SCML4: variants seen among roughly 807,000 people sequenced by gnomAD.
SCML4 encodes the protein Scm polycomb group protein like 4.
Under a neutral mutation model 41.1 loss-of-function variants are expected in SCML4, and 34 were observed. The observed-to-expected ratio is 0.83, with a 90% CI of 0.63 to 1.10. SCML4 has a LOEUF of 1.10. SCML4 is among the 50% of genes least tolerant of loss of function. The probability of loss-of-function intolerance (pLI) is 0.00; values close to 1 mark genes in which losing one functional copy is unlikely to be tolerated. For synonymous variants in SCML4, 214 were observed against 220.9 expected, an observed-to-expected ratio of 0.97 and a Z score of 0.28; for missense variants, 522 against 534.1, an observed-to-expected ratio of 0.98 and a Z score of 0.22.
rs200680801 is a variant in SCML4 at position 107,707,990 on chromosome 6, G to T, written c.995C>A (p.Ala332Glu). ...GCTCCGTGGCCGCCTGGCATCCTGC[G>T]CATCCTGAGAAGGGCTTGAGGCTGG... Reference protein sequence around the residue: ...NRCASSPSQDAQDARRPRSRN... With the variant: ...NRCASSPSQDEQDARRPRSRN... The change falls in exon 7 of 8, where the codon GCG becomes GAG. Residue 332 changes from alanine (A) to glutamate (E), a missense_variant. Physicochemically the swap from Ala to Glu is moderately radical, Grantham distance 107 (BLOSUM62 -1). Coordinates refer to ENST00000369020, the MANE Select transcript of SCML4 (RefSeq NM_198081.5). 1.3e-6 allele frequency: 2 copies of T among 1,551,000 alleles called. No individual in the cohort carries two copies. Among genetic ancestry groups the T allele is most frequent in the Admixed American group, 2.0e-5 (1 of 50,998 alleles).
upstream of SCML4, among the ~76,000 whole-genome samples, chr6:107,827,042 G>A (rs768276650): frequency 6.6e-6 from 1 of 151,350 alleles, no homozygotes; most frequent in East Asian, 1.9e-4. Flanking sequence ...CAGCCTGGGC[G>A]ACAGAGCGAG....
chr6:107,841,240 G>T, the SCML4 span, among the ~76,000 whole-genome samples: 122 of 152,138 alleles, frequency 8.0e-4, no homozygotes, highest in African/African-American at 2.9e-3. Flanking sequence ...TGGGAGGATG[G>T]CTTGAGGCCA....
intron 1 of SCML4, among the ~76,000 whole-genome samples, chr6:107,797,444 G>A (rs186362807): frequency 7.3e-4 from 111 of 152,018 alleles, no homozygotes; most frequent in African/African-American, 2.5e-3. Context: ...GCTTTTACAC[G>A]GAAATACAAT....
intron 2 of SCML4, among the ~76,000 whole-genome samples, chr6:107,765,260 C>G (rs185457778): frequency 3.3e-5 from 5 of 152,216 alleles, no homozygotes; most frequent in Admixed American, 6.5e-5. Context: ...AACTGTCAGC[C>G]CAGCTGATGA....
In SCML4 at chr6:107,703,802, T is replaced by C. The variant is rs770706561; in HGVS notation, c.*1398A>G. Among the ~76,000 whole-genome samples, 5 of 152,350 alleles carry C rather than the reference T, an allele frequency of 3.3e-5. No homozygotes were observed. Among genetic ancestry groups the C allele is most frequent in the Middle Eastern group, 3.4e-3 (1 of 294 alleles). On this transcript the variant is annotated 3_prime_UTR_variant, in exon 8 of 8. Transcript: ENST00000369020. ...CCCTCCCAGAAATTCCAAAATCTAA[T>C]GTTCATCTCCTCATCTCCAACACTG... is the stretch of plus-strand genomic sequence containing the variant.
At chr6:107,722,388 G>A (rs1775520940) in intron 5 of SCML4, among the ~76,000 whole-genome samples, 1 of 151,986 alleles carries the variant, frequency 6.6e-6, no homozygotes, top group Non-Finnish European at 1.5e-5. Context: ...GGGAAGTCCA[G>A]AGAAATTACG....
chr6:107,754,581 A>G (rs1218716341), intron 2 of SCML4, among the ~76,000 whole-genome samples: 1 of 152,240 alleles, frequency 6.6e-6, no homozygotes, highest in Admixed American at 6.5e-5. Flanking sequence ...CCTCCTTCAC[A>G]AGCTTAAAGC....
At chr6:107,737,334 A>G (rs180746882) in intron 5 of SCML4, among the ~76,000 whole-genome samples, 1 of 152,186 alleles carries the variant, frequency 6.6e-6, no homozygotes, top group East Asian at 1.9e-4. Context: ...CATGGGGAGA[A>G]ATTTGTTTGT....
intron 2 of SCML4, among the ~76,000 whole-genome samples, chr6:107,759,615 T>A (rs1318472809): frequency 6.6e-6 from 1 of 152,172 alleles, no homozygotes; most frequent in Non-Finnish European, 1.5e-5. Context: ...TAATAGTACA[T>A]TTTTATTATG....
At chr6:107,826,716 C>A (rs9400151), upstream of SCML4, among the ~76,000 whole-genome samples, 2 of 151,988 alleles carry the variant, frequency 1.3e-5, no homozygotes, top group Admixed American at 1.3e-4. Context: ...GTGGGAAGCA[C>A]CCATTGTCAT....
At chr6:107,780,632 G>A (rs113466760) in intron 1 of SCML4, among the ~76,000 whole-genome samples, 4,346 of 152,026 alleles carry the variant, frequency 0.029, 218 homozygotes, top group African/African-American at 0.1. Flanking sequence ...GCCTGAGCCC[G>A]GGAAGTTGAG....
chr6:107,788,923 T>A (rs1782111872), intron 1 of SCML4, among the ~76,000 whole-genome samples: 1 of 152,074 alleles, frequency 6.6e-6, no homozygotes, highest in African/African-American at 2.4e-5. Flanking sequence ...TCTCCCCCAG[T>A]GTGTGTTTCC....
chr6:107,843,295 G>C, the SCML4 span, among the ~76,000 whole-genome samples: 1 of 152,010 alleles, frequency 6.6e-6, no homozygotes, highest in African/African-American at 2.4e-5. Context: ...AAATCCCAAA[G>C]ACAGCCAGGG....
chr6:107,814,049 G>T (rs913485215), intron 1 of SCML4, among the ~76,000 whole-genome samples: 9 of 152,212 alleles, frequency 5.9e-5, no homozygotes, highest in African/African-American at 2.2e-4. Context: ...CAGTAGAGCT[G>T]CAAGGCTCCA....
chr6:107,802,723 T>C (rs1208829606), intron 1 of SCML4, among the ~76,000 whole-genome samples: 1 of 127,620 alleles, frequency 7.8e-6, no homozygotes. Flanking sequence ...TCCCTCTCCC[T>C]CTCCCCCTCC....
chr6:107,728,776 G>T (rs1674659380), intron 5 of SCML4, among the ~76,000 whole-genome samples: 1 of 152,174 alleles, frequency 6.6e-6, no homozygotes, highest in Admixed American at 6.5e-5. Flanking sequence ...GGATGTGCTG[G>T]TGGTTCCAAA....
chr6:107,785,344 G>A (rs536049466), intron 1 of SCML4, among the ~76,000 whole-genome samples: 4 of 152,316 alleles, frequency 2.6e-5, no homozygotes, highest in Non-Finnish European at 2.9e-5. Flanking sequence ...ACTGCGATCC[G>A]AGTGCTGTTG....
intron 5 of SCML4, chr6:107,740,135 A>C (rs1214551233): frequency 4.2e-6 from 2 of 470,962 alleles, no homozygotes; most frequent in Non-Finnish European, 8.8e-6. Flanking sequence ...ATCAGCTTTT[A>C]GGAAGGAAGG....
At chr6:107,832,963 T>C in the SCML4 span, among the ~76,000 whole-genome samples, 1 of 152,218 alleles carries the variant, frequency 6.6e-6, no homozygotes, top group Non-Finnish European at 1.5e-5. Context: ...TGAAACCACA[T>C]TAGCATATGA....
Sources: allele counts gnomAD v4.1 joint callset (sites outside exome capture counted in the v4.1 genomes callset), GRCh38; gene constraint gnomAD v4.1.1; transcripts MANE v1.5; gene names NCBI Gene and HGNC (gene_info 2026-07-23, HGNC 2026-07-21).